The following DNAJB6 variants were observed in gnomAD, a reference collection of about 807,000 sequenced individuals.
DNAJB6 encodes the protein DnaJ heat shock protein family (Hsp40) member B6, also known as dnaJ homolog subfamily B member 6.
DNAJB6 carries 16 observed loss-of-function variants against 42.7 expected under a neutral mutation model. The ratio of observed to expected loss-of-function variants is 0.37; its 90% CI spans 0.25 to 0.57. The LOEUF is 0.57. Among genes scored for constraint, DNAJB6 ranks in the 20% least tolerant of loss-of-function variants. DNAJB6 has a pLI of 0.74. For missense variants in DNAJB6, 347 were observed against 416.8 expected (o/e 0.83, Z 1.46); for synonymous variants, 170 against 163.5 (o/e 1.04, Z -0.30).
Position 157,377,601 on chromosome 7 carries a change from C to T in DNAJB6, c.347-4645C>T, listed in dbSNP as rs551637629. On this transcript the variant is annotated intron_variant, in intron 5 of 9. Transcript: ENST00000262177. ...TCAGGACTGGAGCAGTCTCCTCCCC[C>T]GGGGTGGGATGGTGTGGGGTGGGGA... Among the ~76,000 whole-genome samples, 493 of 152,074 alleles carry T rather than the reference C, an allele frequency of 3.2e-3. 3 individuals carry two copies. The highest frequency in any genetic ancestry group is 0.011 in the African/African-American group (464 of 41,526).
At chr7:157,411,614 G>C (rs1314546066) in intron 9 of DNAJB6, 2 of 152,320 alleles carry the variant, frequency 1.3e-5, no homozygotes, top group African/African-American at 2.4e-5. Flanking sequence ...CTGGGGTTAG[G>C]AGGCCACCGG....
chr7:157,395,684 C>CTTTTTTT (rs869242320), intron 8 of DNAJB6, among the ~76,000 whole-genome samples: 7 of 131,870 alleles, frequency 5.3e-5, no homozygotes, highest in Non-Finnish European at 4.9e-5. Context: ...TTTTTCTTTT[C>CTTTTTTT]TTTTTTTTTT....
intron 1 of DNAJB6, among the ~76,000 whole-genome samples, chr7:157,340,705 C>T (rs1231815389): frequency 6.6e-6 from 1 of 152,110 alleles, no homozygotes; most frequent in Non-Finnish European, 1.5e-5. Flanking sequence ...AGATGGAGTC[C>T]TTGCTCTGTG....
chr7:157,412,350 C>T (rs560591245), intron 9 of DNAJB6: 1 of 152,166 alleles, frequency 6.6e-6, no homozygotes, highest in Non-Finnish European at 1.5e-5. Flanking sequence ...CAGGCTCGCT[C>T]ATTATACAAT....
At chr7:157,407,018 G>A (rs1006460474) in intron 8 of DNAJB6, among the ~76,000 whole-genome samples, 4 of 152,218 alleles carry the variant, frequency 2.6e-5, no homozygotes, top group East Asian at 3.9e-4. Context: ...GACCCACAGC[G>A]CTCTGAAGAC....
chr7:157,406,723 C>T (rs866301574), intron 8 of DNAJB6, among the ~76,000 whole-genome samples: 6 of 152,214 alleles, frequency 3.9e-5, no homozygotes, highest in Non-Finnish European at 8.8e-5. Context: ...TTGGAAGGAA[C>T]GCAACATCCA....
rs150709673 is a variant in DNAJB6 at position 157,382,328 on chromosome 7, G to T, written c.429G>T (p.Ala143=). 23 of 1,611,730 alleles carry T rather than the reference G, an allele frequency of 1.4e-5. No individual in the cohort carries two copies. The highest frequency in any genetic ancestry group is 1.9e-5 in the Non-Finnish European group (22 of 1,179,734). ...GAGGGACGGGGTCGTTTTTCTCTGC[G>T]TTCAGTGGATTTCCGTCTTTTGGAA... The part of the protein sequence containing the change: ...RSRGTGSFFS[A]FSGFPSFGSG... The change falls in exon 6 of 10, where the codon GCG becomes GCT. Residue 143 remains alanine, a synonymous_variant. Coordinates refer to ENST00000262177, the MANE Select transcript of DNAJB6 (RefSeq NM_058246.4).
intron 5 of DNAJB6, 125 bp from the exon 6 acceptor site, chr7:157,382,121 A>G: frequency 9.0e-7 from 1 of 1,108,648 alleles, no homozygotes; most frequent in South Asian, 1.8e-5. Flanking sequence ...CTCTTTTGTT[A>G]AAACCTCTTA....
At chr7:157,390,904 C>G (rs1801308505) in intron 8 of DNAJB6, among the ~76,000 whole-genome samples, 1 of 152,202 alleles carries the variant, frequency 6.6e-6, no homozygotes, top group African/African-American at 2.4e-5. Flanking sequence ...GGTGCAGTCA[C>G]AGCTCTCTGT....
chr7:157,383,611 T>TTGTGTGTGTGTGTG (rs57002445), intron 6 of DNAJB6, among the ~76,000 whole-genome samples: 36 of 149,678 alleles, frequency 2.4e-4, no homozygotes, highest in African/African-American at 8.6e-4. Flanking sequence ...GTATGTGTGT[T>TTGTGTGTGTGTGTG]TGTGTGTGTG....
At chr7:157,352,639 C>G (rs1458925986) in intron 1 of DNAJB6, among the ~76,000 whole-genome samples, 1 of 152,070 alleles carries the variant, frequency 6.6e-6, no homozygotes, top group Admixed American at 6.6e-5. Context: ...CTCTTTCCTT[C>G]CCACTTCCTC....
intron 1 of DNAJB6, among the ~76,000 whole-genome samples, chr7:157,344,399 GGTAC>G (rs1269046179): frequency 1.3e-5 from 2 of 151,890 alleles, no homozygotes; most frequent in East Asian, 3.9e-4. Flanking sequence ...TGTAGTCCCA[GGTAC>G]TCGGGAGGCT....
At chr7:157,351,634 AAACAACAAC>A (rs199667104) in intron 1 of DNAJB6, among the ~76,000 whole-genome samples, 1,142 of 99,410 alleles carry the variant, frequency 0.011, 13 homozygotes, top group African/African-American at 0.029. Flanking sequence ...CTCTGTCTCA[AAACAACAAC>A]AACAACAACA....
intron 1 of DNAJB6, among the ~76,000 whole-genome samples, chr7:157,349,223 A>G (rs1798845961): frequency 6.6e-6 from 1 of 152,106 alleles, no homozygotes; most frequent in African/African-American, 2.4e-5. Context: ...ACTAAACTTG[A>G]TGACTTTTAT....
intron 8 of DNAJB6, among the ~76,000 whole-genome samples, chr7:157,391,558 G>A (rs1015988618): frequency 5.9e-5 from 9 of 152,306 alleles, no homozygotes; most frequent in Admixed American, 4.6e-4. Context: ...CCTCAGTTGG[G>A]GTCTGTGCCC....
At chr7:157,382,479 C>G (rs1343138188) in intron 6 of DNAJB6, 102 bp downstream of exon 6, 2 of 1,307,028 alleles carry the variant, frequency 1.5e-6, no homozygotes, top group East Asian at 2.5e-5. Flanking sequence ...ATGTGTATAC[C>G]TTTCGTAGAA....
At chr7:157,366,631 T>C in intron 4 of DNAJB6, 70 bp downstream of exon 4, 1 of 1,442,882 alleles carries the variant, frequency 6.9e-7, no homozygotes, top group Non-Finnish European at 9.7e-7. Flanking sequence ...AAATCACGAG[T>C]CTCTTGGTCA....
intron 1 of DNAJB6, among the ~76,000 whole-genome samples, chr7:157,352,089 T>A (rs191766582): frequency 2.6e-5 from 4 of 151,794 alleles, no homozygotes; most frequent in African/African-American, 7.3e-5. Flanking sequence ...CCCAGCACTT[T>A]AGGAGGCTGA....
chr7:157,346,819 A>C (rs868261700), intron 1 of DNAJB6, among the ~76,000 whole-genome samples: 28 of 152,324 alleles, frequency 1.8e-4, no homozygotes, highest in Admixed American at 7.2e-4. Flanking sequence ...CCTTGGAGAC[A>C]CGTGGATTTC....
Sources: allele counts gnomAD v4.1 joint callset (sites outside exome capture counted in the v4.1 genomes callset), GRCh38; gene constraint gnomAD v4.1.1; transcripts MANE v1.5; gene names NCBI Gene and HGNC (gene_info 2026-07-23, HGNC 2026-07-21).